Variants in RAPGEF5 observed in about 807,000 individuals in gnomAD.
RAPGEF5 encodes the protein M-Ras-regulated GEF.
In RAPGEF5, 65 loss-of-function variants were observed where a neutral mutation model predicts 125.2. The observed-to-expected ratio is 0.52, with a 90% CI of 0.43 to 0.64. RAPGEF5 has a LOEUF of 0.64. Among genes scored for constraint, RAPGEF5 ranks in the 30% least tolerant of loss-of-function variants. The probability of loss-of-function intolerance (pLI) is 0.00; values close to 1 mark genes in which losing one functional copy is unlikely to be tolerated. For missense variants in RAPGEF5, 958 were observed against 1,048.1 expected (o/e 0.91, Z 1.19); for synonymous variants, 391 against 385.9 (o/e 1.01, Z -0.16).
chr7:22,244,194 G>A (rs938649885), intron 7 of RAPGEF5, among the ~76,000 whole-genome samples: 9 of 151,752 alleles, frequency 5.9e-5, no homozygotes, highest in Admixed American at 2.0e-4. Context: ...ACACATATAC[G>A]TGTGTGTGTA....
At chr7:22,194,857 C>T in intron 9 of RAPGEF5, 1 of 772,742 alleles carries the variant, frequency 1.3e-6, no homozygotes, top group South Asian at 5.9e-5. Flanking sequence ...GCTGCTGACC[C>T]AGCAGGGTGG....
At position 22,167,160 on chromosome 7, in the gene RAPGEF5, A is replaced by T. The variant is rs1226718043; in HGVS notation, c.1205-12T>A. 1 of 1,603,360 alleles carries T rather than the reference A, an allele frequency of 6.2e-7. No individual in the cohort carries two copies. Among genetic ancestry groups the T allele is most frequent in the Non-Finnish European group, 8.5e-7 (1 of 1,172,078 alleles). Reference sequence around the variant, plus strand: ...ATCCAGGAGGGTCTCTGCAAAGAAAAAAAAAACAAACACAAGGTAAGCAAA... The same window carrying T: ...ATCCAGGAGGGTCTCTGCAAAGAAATAAAAAACAAACACAAGGTAAGCAAA... On this transcript the variant is annotated splice_polypyrimidine_tract_variant and intron_variant, in intron 11 of 25. Transcript: ENST00000665637.
chr7:22,328,736 T>C (rs1312130335), intron 1 of RAPGEF5, among the ~76,000 whole-genome samples: 1 of 152,188 alleles, frequency 6.6e-6, no homozygotes, highest in Non-Finnish European at 1.5e-5. Context: ...CCCACAGTCT[T>C]CTCTACTGGC....
At chr7:22,318,090 C>CA in intron 1 of RAPGEF5, 53 bp from the exon 2 acceptor site, 1 of 1,433,308 alleles carries the variant, frequency 7.0e-7, no homozygotes, top group Non-Finnish European at 9.2e-7. Context: ...ACTTTTGTAC[C>CA]AAAAAATGAA....
chr7:22,267,143 C>T (rs1054300307), intron 6 of RAPGEF5, 131 bp from the exon 7 acceptor site: 2 of 838,336 alleles, frequency 2.4e-6, no homozygotes, highest in East Asian at 2.7e-5. Flanking sequence ...GCTGCCAGCA[C>T]TTTTTTGATT....
rs1334423971 is a variant in RAPGEF5 at position 22,154,623 on chromosome 7, T to C, written c.1637-19A>G. 7.5e-6 allele frequency: 12 copies of C among 1,609,642 alleles called. No homozygotes were observed. The highest frequency in any genetic ancestry group is 2.2e-5 in the East Asian group (1 of 44,846). On this transcript the variant is annotated intron_variant, in intron 16 of 25. Coordinates refer to ENST00000665637, the MANE Select transcript of RAPGEF5 (RefSeq NM_012294.5). ...CAGAAAACTGCACAAGTGAAAAGAA[T>C]TGTTTGGAAACAGAGAACAGTGGTC...
intron 1 of RAPGEF5, among the ~76,000 whole-genome samples, chr7:22,329,329 A>G (rs1783870657): frequency 6.6e-6 from 1 of 152,194 alleles, no homozygotes; most frequent in South Asian, 2.1e-4. Context: ...TGAAAGATCT[A>G]AAGTTAATAA....
chr7:22,279,213 T>G (rs1015448391), intron 6 of RAPGEF5, among the ~76,000 whole-genome samples: 5 of 152,204 alleles, frequency 3.3e-5, no homozygotes, highest in South Asian at 2.1e-4. Context: ...GAACCCCACG[T>G]GTGTTTGTCC....
chr7:22,294,148 C>T (rs541057913), intron 5 of RAPGEF5, among the ~76,000 whole-genome samples: 1 of 152,178 alleles, frequency 6.6e-6, no homozygotes, highest in South Asian at 2.1e-4. Flanking sequence ...GAGAGAGAAG[C>T]TGTGGGTCTA....
At chr7:22,243,594 T>A (rs922855450) in intron 7 of RAPGEF5, among the ~76,000 whole-genome samples, 1 of 152,210 alleles carries the variant, frequency 6.6e-6, no homozygotes, top group Non-Finnish European at 1.5e-5. Context: ...ATCAGCCCAA[T>A]CTATTTCTTA....
At chr7:22,158,257 C>T (rs575487370) in intron 14 of RAPGEF5, among the ~76,000 whole-genome samples, 1 of 152,170 alleles carries the variant, frequency 6.6e-6, no homozygotes, top group Admixed American at 6.5e-5. Context: ...GTGATAGTGA[C>T]AGATTTTAGG....
intron 5 of RAPGEF5, among the ~76,000 whole-genome samples, chr7:22,296,821 G>A (rs866940910): frequency 1.3e-5 from 2 of 152,210 alleles, no homozygotes; most frequent in African/African-American, 2.4e-5. Context: ...AGCAGCTAGT[G>A]AGACAGAAGA....
intron 1 of RAPGEF5, among the ~76,000 whole-genome samples, chr7:22,336,269 G>A (rs531919760): frequency 6.6e-6 from 1 of 152,284 alleles, no homozygotes; most frequent in South Asian, 2.1e-4. Context: ...TCCACATATA[G>A]TCTCACCTTT....
intron 4 of RAPGEF5, 79 bp downstream of exon 4, chr7:22,309,890 T>C: frequency 7.0e-7 from 1 of 1,419,026 alleles, no homozygotes. Flanking sequence ...GACTGTAACA[T>C]CCTCTAGAAA....
intron 17 of RAPGEF5, 155 bp from the exon 18 acceptor site, chr7:22,150,659 C>G (rs1005834793): frequency 7.5e-5 from 81 of 1,082,122 alleles, no homozygotes; most frequent in Non-Finnish European, 9.4e-5. Context: ...TCTGCACACT[C>G]TATACAATGA....
chr7:22,323,817 G>GT (rs1583578838), intron 1 of RAPGEF5, among the ~76,000 whole-genome samples: 1 of 152,186 alleles, frequency 6.6e-6, no homozygotes, highest in East Asian at 1.9e-4. Context: ...ACTGATACAA[G>GT]CAATTGAATA....
chr7:22,132,554 G>A (rs1782947435), intron 23 of RAPGEF5, among the ~76,000 whole-genome samples: 1 of 152,130 alleles, frequency 6.6e-6, no homozygotes, highest in Non-Finnish European at 1.5e-5. Flanking sequence ...AGTCAACACA[G>A]GTTTTACCTT....
At chr7:22,328,695 T>A (rs1466493953) in intron 1 of RAPGEF5, among the ~76,000 whole-genome samples, 2 of 152,208 alleles carry the variant, frequency 1.3e-5, no homozygotes, top group African/African-American at 4.8e-5. Flanking sequence ...CAATGTGTAA[T>A]ACCACCACTT....
At chr7:22,324,751 T>C (rs769546269) in intron 1 of RAPGEF5, among the ~76,000 whole-genome samples, 1 of 152,184 alleles carries the variant, frequency 6.6e-6, no homozygotes, top group East Asian at 1.9e-4. Context: ...ACAGAATGAC[T>C]CTCATGGCTG....
Sources: allele counts gnomAD v4.1 joint callset (sites outside exome capture counted in the v4.1 genomes callset), GRCh38; gene constraint gnomAD v4.1.1; transcripts MANE v1.5; gene names NCBI Gene and HGNC (gene_info 2026-07-23, HGNC 2026-07-21).